PRR11: variants seen among roughly 807,000 people sequenced by gnomAD.
PRR11 encodes proline-rich protein 11.
Under a neutral mutation model 45.6 loss-of-function variants are expected in PRR11, and 30 were observed. The observed-to-expected ratio is 0.66, with a 90% CI of 0.49 to 0.89. The LOEUF (loss-of-function observed/expected upper bound fraction) is 0.89, where lower values mean the gene tolerates loss of function less well. PRR11 is among the 40% of genes least tolerant of loss of function. The pLI is 0.00. For synonymous variants in PRR11, 128 were observed against 153.5 expected (o/e 0.83, Z 1.23); for missense variants, 373 against 424.8 (o/e 0.88, Z 1.07).
At chr17:59,182,898 T>A (rs2046796034) in intron 2 of PRR11, among the ~76,000 whole-genome samples, 1 of 152,090 alleles carries the variant, frequency 6.6e-6, no homozygotes, top group Non-Finnish European at 1.5e-5. Context: ...GAACCTAGTC[T>A]CTGTTCTATC....
At chr17:59,177,628 C>T (rs1382158213) in intron 2 of PRR11, among the ~76,000 whole-genome samples, 1 of 152,074 alleles carries the variant, frequency 6.6e-6, no homozygotes, top group African/African-American at 2.4e-5. Context: ...GCCCAGAGCT[C>T]AGATCCCAAA....
At chr17:59,195,222 G>A (rs917713436) in intron 6 of PRR11, 109 bp from the exon 7 acceptor site, 3 of 796,842 alleles carry the variant, frequency 3.8e-6, no homozygotes, top group Non-Finnish European at 6.3e-6. Flanking sequence ...TAGCATACTG[G>A]ATATATCTTA....
intron 2 of PRR11, among the ~76,000 whole-genome samples, chr17:59,182,026 GTTT>G (rs58846857): frequency 7.2e-6 from 1 of 138,708 alleles, no homozygotes. Context: ...TTTGTTATTG[GTTT>G]TTTTTTTTTT....
intron 8 of PRR11, 36 bp downstream of exon 8, chr17:59,197,639 C>G: frequency 6.2e-7 from 1 of 1,610,760 alleles, no homozygotes; most frequent in Non-Finnish European, 8.5e-7. Context: ...CTTCTACGTC[C>G]ATTTTAAAAG....
At chr17:59,186,675 G>A (rs756008199) in intron 4 of PRR11, among the ~76,000 whole-genome samples, 2 of 152,102 alleles carry the variant, frequency 1.3e-5, no homozygotes, top group South Asian at 2.1e-4. Flanking sequence ...GATTGCAGGC[G>A]TGAGCCATGG....
intron 1 of PRR11, among the ~76,000 whole-genome samples, chr17:59,161,121 C>G (rs1317010983): frequency 6.6e-6 from 1 of 152,032 alleles, no homozygotes; most frequent in Non-Finnish European, 1.5e-5. Flanking sequence ...TTAAAAAATA[C>G]ATAGGCCAGG....
intron 1 of PRR11, among the ~76,000 whole-genome samples, chr17:59,159,659 C>A (rs1347466728): frequency 2.0e-5 from 3 of 152,270 alleles, no homozygotes; most frequent in Admixed American, 6.5e-5. Flanking sequence ...CACTCATTGC[C>A]CCCTGACAAA....
At chr17:59,172,177 C>T (rs1014438065) in intron 2 of PRR11, among the ~76,000 whole-genome samples, 2 of 152,228 alleles carry the variant, frequency 1.3e-5, no homozygotes, top group Non-Finnish European at 2.9e-5. Context: ...AGTGTCTGCA[C>T]TGTGCCTTCA....
chr17:59,181,680 G>T, intron 2 of PRR11: 1 of 1,545,272 alleles, frequency 6.5e-7, no homozygotes, highest in East Asian at 2.3e-5. Flanking sequence ...CCTCAGATTG[G>T]TCCGACCACT....
chr17:59,200,825 A>G (rs937894522), intron 9 of PRR11, among the ~76,000 whole-genome samples: 1 of 145,436 alleles, frequency 6.9e-6, no homozygotes, highest in Non-Finnish European at 1.5e-5. Context: ...AAGTCTCACT[A>G]TATCTCCCAG....
intron 2 of PRR11, among the ~76,000 whole-genome samples, chr17:59,170,311 T>C (rs556565944): frequency 1.4e-4 from 22 of 152,328 alleles, no homozygotes; most frequent in African/African-American, 5.1e-4. Context: ...GAATAATTTT[T>C]TCATATAATT....
At chr17:59,196,850 A>AT (rs982261554) in intron 7 of PRR11, among the ~76,000 whole-genome samples, 8 of 151,042 alleles carry the variant, frequency 5.3e-5, no homozygotes, top group African/African-American at 9.7e-5. Flanking sequence ...ATCTACTGCT[A>AT]TTTTTTTTCT....
Position 59,169,812 on chromosome 17 carries a change from A to T in PRR11, c.60A>T (p.Lys20Asn). ...AAGCCAAAGCCGAAAGATTATTCAA[A>T]AAAAAAGAAGCCTCTCACTTTCAGT... Reference protein sequence around the residue: ...KLKAKAERLFKKKEASHFQSK... With the variant: ...KLKAKAERLFNKKEASHFQSK... The change falls in exon 2 of 10, where the codon AAA becomes AAT. Residue 20 changes from lysine (K) to asparagine (N), a missense_variant. Physicochemically the swap from Lys to Asn is moderately conservative, Grantham distance 94. Transcript: ENST00000262293. 6.2e-7 allele frequency: 1 copy of T among 1,612,334 alleles called. No homozygotes were observed. The highest frequency in any genetic ancestry group is 8.5e-7 in the Non-Finnish European group (1 of 1,179,514).
chr17:59,176,494 C>T (rs922117769), intron 2 of PRR11, among the ~76,000 whole-genome samples: 1 of 151,812 alleles, frequency 6.6e-6, no homozygotes, highest in Non-Finnish European at 1.5e-5. Context: ...CATGGGAACC[C>T]GGAGGAGGTC....
rs192477379 is a variant in PRR11, at chr17:59,175,643, G to A, written c.128+5763G>A. On this transcript the variant is annotated intron_variant, in intron 2 of 9. Transcript: ENST00000262293. ...CTTAGTCCTAGCTACGCAAGAGGCT[G>A]AGGCACAAGAATTACATGAACCCAG... 3.3e-5 allele frequency among the ~76,000 whole-genome samples: 5 copies of A among 152,304 alleles called. No individual in the cohort carries two copies. In the East Asian group the frequency reaches 7.7e-4, roughly 24 times the overall value.
chr17:59,156,024 C>A (rs1419997869), intron 1 of PRR11, among the ~76,000 whole-genome samples: 2 of 152,166 alleles, frequency 1.3e-5, no homozygotes, highest in African/African-American at 4.8e-5. Flanking sequence ...TCGCAAGATA[C>A]GTTTTGGAGC....
At chr17:59,192,805 C>T (rs1428983728) in intron 4 of PRR11, among the ~76,000 whole-genome samples, 3 of 152,196 alleles carry the variant, frequency 2.0e-5, no homozygotes, top group African/African-American at 7.2e-5. Flanking sequence ...GTTAAGACTT[C>T]AACATATGAA....
intron 2 of PRR11, chr17:59,179,652 G>T: frequency 6.7e-7 from 1 of 1,501,982 alleles, no homozygotes; most frequent in East Asian, 2.4e-5. Flanking sequence ...CTCCTACCAA[G>T]CAGCCTGTTG....
At chr17:59,164,593 A>C (rs560817622) in intron 1 of PRR11, among the ~76,000 whole-genome samples, 1 of 152,234 alleles carries the variant, frequency 6.6e-6, no homozygotes, top group Admixed American at 6.5e-5. Flanking sequence ...TAGGGCTCCC[A>C]ATCAGTGGAC....
Sources: allele counts gnomAD v4.1 joint callset (sites outside exome capture counted in the v4.1 genomes callset), GRCh38; gene constraint gnomAD v4.1.1; transcripts MANE v1.5; gene names NCBI Gene and HGNC (gene_info 2026-07-23, HGNC 2026-07-21).